IGSF9B: variants seen among roughly 807,000 people sequenced by gnomAD.
IGSF9B encodes the protein immunoglobulin superfamily member 9B.
In IGSF9B, 48 loss-of-function variants were observed where a neutral mutation model predicts 143.7. The ratio of observed to expected loss-of-function variants is 0.33; its 90% confidence interval spans 0.26 to 0.42. The LOEUF (loss-of-function observed/expected upper bound fraction) is 0.42, where lower values mean the gene tolerates loss of function less well. IGSF9B is among the 20% of genes least tolerant of loss of function. The pLI is 1.00. For synonymous variants in IGSF9B, 903 were observed against 833.1 expected, an observed-to-expected ratio of 1.08 and a Z score of -1.44; for missense variants, 1,706 against 1,980.0, an observed-to-expected ratio of 0.86 and a Z score of 2.63.
In IGSF9B at chr11:133,919,885, G is replaced by T. The variant is rs1400691840; in HGVS notation, c.3840C>A (p.Thr1280=). The T allele has an allele frequency of 6.3e-7, 1 of 1,583,728 alleles. No individual in the cohort carries two copies. The highest frequency in any genetic ancestry group is 8.6e-7 in the Non-Finnish European group (1 of 1,163,894). ...RPAMGFTTLA[T]GYPSPPPGPA... Reference sequence around the variant, plus strand: ...GGCCGGGTGGAGGGGAAGGGTAGCCGGTGGCCAGAGTGGTGAAGCCCATGG... The same window carrying T: ...GGCCGGGTGGAGGGGAAGGGTAGCCTGTGGCCAGAGTGGTGAAGCCCATGG... Residue 1280 remains threonine (T), a synonymous_variant, in exon 18 of 20, where the codon ACC becomes ACA. Coordinates refer to ENST00000533871, the MANE Select transcript of IGSF9B (RefSeq NM_001277285.4).
chr11:133,944,732 A>T (rs1022528056), intron 2 of IGSF9B, among the ~76,000 whole-genome samples: 2 of 152,216 alleles, frequency 1.3e-5, no homozygotes, highest in South Asian at 4.1e-4. Context: ...AGAGAGAATG[A>T]AAAAGTGCCA....
intron 1 of IGSF9B, among the ~76,000 whole-genome samples, chr11:133,952,494 G>A (rs1376368550): frequency 2.6e-5 from 4 of 152,120 alleles, no homozygotes; most frequent in Non-Finnish European, 5.9e-5. Flanking sequence ...CCCCCACCTC[G>A]TGTCTGCACA....
At position 133,908,057 on chromosome 11, in the gene IGSF9B, C is replaced by T. The variant is rs890961741; in HGVS notation, c.*1012G>A. On this transcript the variant is annotated 3_prime_UTR_variant, in exon 20 of 20. Coordinates refer to ENST00000533871, the MANE Select transcript of IGSF9B (RefSeq NM_001277285.4). ...GAGCCGGGGACGGTATAAATAGAGC[C>T]GGCAGCTTGGCGCTAGCACAGGTGG... 2.0e-5 allele frequency among the ~76,000 whole-genome samples: 3 copies of T among 152,244 alleles called. No individual in the cohort carries two copies. The highest frequency in any genetic ancestry group is 2.9e-5 in the Non-Finnish European group (2 of 68,040).
Position 133,927,111 on chromosome 11 carries a change from AGG to A in IGSF9B, c.1632-22_1632-21del. 1 of 1,528,158 alleles carries A rather than the reference AGG, an allele frequency of 6.5e-7. No homozygotes were observed. The highest frequency in any genetic ancestry group is 1.2e-5 in the South Asian group (1 of 83,352). 94.7% of individuals were successfully genotyped at this position (1,528,158 alleles called of 1,614,324 possible). A position where few individuals can be genotyped will look rare whatever the true frequency, so the allele number is the denominator to read the frequency against. On this transcript the variant is annotated intron_variant, in intron 12 of 19. Transcript: ENST00000533871. The stretch of plus-strand genomic sequence containing the variant: ...TTCATCCTGGCCAAAAGAGAGAGAC[AGG>A]ATAGGGGACGAGGGGCGGGGTGGGT...
chr11:133,904,754 C>G lies in IGSF9B; in HGVS notation c.*4315G>C, dbSNP rs1450415292. On this transcript the variant is annotated 3_prime_UTR_variant, in exon 20 of 20. Coordinates refer to ENST00000533871, the MANE Select transcript of IGSF9B (RefSeq NM_001277285.4). ...CCTAACCCATGCCTGACCTCACCCT[C>G]TGTGCCCCTTCCAGCCTCACCAACA... is the stretch of plus-strand genomic sequence containing the variant. 6.6e-6 allele frequency among the ~76,000 whole-genome samples: 1 copy of G among 152,024 alleles called. No individual in the cohort carries two copies.
At chr11:133,927,199 C>T (rs1453573868) in intron 12 of IGSF9B, 108 bp from the exon 13 acceptor site, 7 of 882,472 alleles carry the variant, frequency 7.9e-6, no homozygotes, top group East Asian at 2.7e-5. Flanking sequence ...GTGGGCCTGG[C>T]GTTCCTAGGT....
Position 133,902,340 on chromosome 11 carries a change from C to A in IGSF9B, c.*6729G>T, listed in dbSNP as rs1296918636. On this transcript the variant is annotated 3_prime_UTR_variant, in exon 20 of 20. Coordinates refer to ENST00000533871, the MANE Select transcript of IGSF9B (RefSeq NM_001277285.4). ...ACACACACACCATACCACACACACC[C>A]CACACACATACACAACCACACAATA... Among the ~76,000 whole-genome samples, 4 of 147,478 alleles carry A rather than the reference C, an allele frequency of 2.7e-5. No individual in the cohort carries two copies. The East Asian group carries it at 8.3e-4, about 30-fold the overall frequency.
intron 1 of IGSF9B, among the ~76,000 whole-genome samples, chr11:133,951,552 C>T (rs1438038036): frequency 6.6e-6 from 1 of 152,234 alleles, no homozygotes; most frequent in African/African-American, 2.4e-5. Flanking sequence ...TATTAGCAAC[C>T]TTAATTTGCT....
At chr11:133,940,275 GCAGA>G (rs1939916637) in intron 3 of IGSF9B, among the ~76,000 whole-genome samples, 1 of 55,116 alleles carries the variant, frequency 1.8e-5, no homozygotes, top group Admixed American at 2.6e-4. Flanking sequence ...GTCATCGCAC[GCAGA>G]AACACACCTC....
rs747664339 is a variant in IGSF9B, at chr11:133,902,448, G to GACACACCACACACACGCACCCCACAC, written c.*6620_*6621insGTGTGGGGTGCGTGTGTGTGGTGTGT. Among the ~76,000 whole-genome samples, 1 of 127,424 alleles carries GACACACCACACACACGCACCCCACAC rather than the reference G, an allele frequency of 7.8e-6. No homozygotes were observed. Among genetic ancestry groups the GACACACCACACACACGCACCCCACAC allele is most frequent in the African/African-American group, 3.3e-5 (1 of 30,632 alleles). The allele number at this position is 127,424 out of a possible 152,430, so 83.6% of individuals were successfully genotyped here. A position where few individuals can be genotyped will look rare whatever the true frequency, so the allele number is the denominator to read the frequency against. On this transcript the variant is annotated 3_prime_UTR_variant, in exon 20 of 20. Coordinates refer to ENST00000533871, the MANE Select transcript of IGSF9B (RefSeq NM_001277285.4). The stretch of plus-strand genomic sequence containing the variant: ...CACACCACACCACACACACCACCCA[G>GACACACCACACACACGCACCCCACAC]ACACACCACACACAGATACACACAC...
chr11:133,934,819 C>CTG (rs1402907282), intron 7 of IGSF9B, among the ~76,000 whole-genome samples: 2 of 152,230 alleles, frequency 1.3e-5, no homozygotes, highest in African/African-American at 4.8e-5. Flanking sequence ...CTCCCTGTCG[C>CTG]TGGGTGTGAG....
At chr11:133,929,806 C>T (rs760942403) in intron 11 of IGSF9B, 24 bp from the exon 12 acceptor site, 2 of 1,540,442 alleles carry the variant, frequency 1.3e-6, no homozygotes, top group Non-Finnish European at 1.8e-6. Context: ...GGAGACCTCT[C>T]AGACTGAAAA....
At chr11:133,922,073 GA>G (rs770846314) in intron 17 of IGSF9B, 103 bp downstream of exon 17, 469 of 951,110 alleles carry the variant, frequency 4.9e-4, no homozygotes, top group Middle Eastern at 1.5e-3. Context: ...CAATCAAGAA[GA>G]AATGGCTTAG....
chr11:133,939,064 C>T (rs1316263235), intron 3 of IGSF9B, among the ~76,000 whole-genome samples: 1 of 152,222 alleles, frequency 6.6e-6, no homozygotes, highest in African/African-American at 2.4e-5. Context: ...CTAGTCAGAG[C>T]GCTATAGGAT....
In IGSF9B at chr11:133,920,785, C is replaced by T. The variant is rs971449601; in HGVS notation, c.2940G>A (p.Pro980=). 7.5e-6 allele frequency: 12 copies of T among 1,609,142 alleles called. No homozygotes were observed. The highest frequency in any genetic ancestry group is 4.5e-5 in the East Asian group (2 of 44,814). ...CCACTTCTGGCACGTAGAACGGGGG[C>T]GGCTCCACCTCCCCAGGGCTGCTGC... The part of the protein sequence containing the change: ...LSSSSPGEVE[P]PPFYVPEVGS... The change falls in exon 18 of 20, where the codon CCG becomes CCA. Residue 980 remains proline (P), a synonymous_variant. Transcript: ENST00000533871.
chr11:133,933,912 A>C (rs771063594), intron 7 of IGSF9B, among the ~76,000 whole-genome samples: 2 of 152,138 alleles, frequency 1.3e-5, no homozygotes, highest in African/African-American at 2.4e-5. Context: ...AGCTCTTCAG[A>C]GAACAGTGTT....
intron 3 of IGSF9B, among the ~76,000 whole-genome samples, chr11:133,940,298 TCG>T (rs759995162): frequency 6.0e-5 from 7 of 116,338 alleles, no homozygotes; most frequent in South Asian, 3.0e-4. Flanking sequence ...TCGCACGTCC[TCG>T]CACGCGTCAT....
intron 18 of IGSF9B, among the ~76,000 whole-genome samples, chr11:133,918,784 G>A (rs946678500): frequency 3.3e-5 from 5 of 151,008 alleles, no homozygotes; most frequent in South Asian, 2.1e-4. Flanking sequence ...ATCGAGAAGA[G>A]AGACCAAAGG....
intron 1 of IGSF9B, 77 bp downstream of exon 1, chr11:133,956,614 C>T (rs1591730605): frequency 2.0e-6 from 2 of 1,011,806 alleles, no homozygotes; most frequent in East Asian, 3.2e-5. Context: ...GCCAAGGAGC[C>T]GGGAAACCGA....
Sources: allele counts gnomAD v4.1 joint callset (sites outside exome capture counted in the v4.1 genomes callset), GRCh38; gene constraint gnomAD v4.1.1; transcripts MANE v1.5; gene names NCBI Gene and HGNC (gene_info 2026-07-23, HGNC 2026-07-21).